The following NFAT5 variants were observed in gnomAD, a reference collection of about 807,000 sequenced individuals.
NFAT5 encodes nuclear factor of activated T cells 5.
Under a neutral mutation model 166.5 loss-of-function variants are expected in NFAT5, and 31 were observed. The observed-to-expected ratio is 0.19, with a 90% CI of 0.14 to 0.25. The LOEUF (loss-of-function observed/expected upper bound fraction) is 0.25. Ranked by LOEUF, NFAT5 falls within the 10% of genes least tolerant of loss-of-function variation. NFAT5 has a pLI of 1.00. For missense variants in NFAT5, 1,449 were observed against 1,821.8 expected (o/e 0.80, Z 3.72); for synonymous variants, 612 against 639.7 (o/e 0.96, Z 0.65).
intron 2 of NFAT5, among the ~76,000 whole-genome samples, chr16:69,603,227 A>G (rs183579237): frequency 1.7e-4 from 26 of 152,280 alleles, no homozygotes; most frequent in Admixed American, 1.4e-3. Flanking sequence ...TTTTTATGAT[A>G]TATCACCTTT....
At chr16:69,637,059 A>G (rs1056157553) in intron 3 of NFAT5, among the ~76,000 whole-genome samples, 4 of 152,210 alleles carry the variant, frequency 2.6e-5, no homozygotes, top group African/African-American at 9.7e-5. Flanking sequence ...CTGCTTAGAA[A>G]TATCTTCCAC....
At chr16:69,627,494 A>C (rs2034525107) in intron 3 of NFAT5, among the ~76,000 whole-genome samples, 1 of 151,912 alleles carries the variant, frequency 6.6e-6, no homozygotes, top group Non-Finnish European at 1.5e-5. Context: ...AAATTATTTT[A>C]GTTTCAAAAT....
intron 3 of NFAT5, among the ~76,000 whole-genome samples, chr16:69,640,535 T>C (rs2035158967): frequency 6.6e-6 from 1 of 152,248 alleles, no homozygotes; most frequent in Non-Finnish European, 1.5e-5. Flanking sequence ...AGCTTTTTTC[T>C]CTGAATATCT....
At chr16:69,620,562 C>T (rs551242864) in intron 2 of NFAT5, among the ~76,000 whole-genome samples, 3 of 152,096 alleles carry the variant, frequency 2.0e-5, no homozygotes, top group South Asian at 2.1e-4. Flanking sequence ...AGCAAGACCG[C>T]GTCTCTACAA....
chr16:69,644,737 A>G, intron 3 of NFAT5: 1 of 406,260 alleles, frequency 2.5e-6, no homozygotes, highest in Non-Finnish European at 4.9e-6. Flanking sequence ...ATAATACCAT[A>G]TAACTTGCTT....
At chr16:69,675,743 G>A (rs2036807339) in intron 9 of NFAT5, among the ~76,000 whole-genome samples, 2 of 152,018 alleles carry the variant, frequency 1.3e-5, no homozygotes, top group African/African-American at 2.4e-5. Flanking sequence ...GGGTTCAAGC[G>A]ATTCTTCTGC....
Position 69,692,137 on chromosome 16 carries a change from T to C in NFAT5, c.2312T>C (p.Leu771Ser). Reference protein sequence around the residue: ...QSPLQEQAQTLQQQISSNIFP... With the variant: ...QSPLQEQAQTSQQQISSNIFP... Reference sequence around the variant, plus strand: ...CCACTACAAGAACAAGCACAGACTTTACAGCAGCAGATTTCATCAAATATT... The same window carrying C: ...CCACTACAAGAACAAGCACAGACTTCACAGCAGCAGATTTCATCAAATATT... The change falls in exon 13 of 15, where the codon TTA becomes TCA. Residue 771 changes from leucine to serine, a missense_variant. By Grantham distance (145) the Leu-to-Ser change is moderately radical. Around this residue, in one of 7 missense-constraint regions of NFAT5, gnomAD observed 891 missense variants for 993.0 expected, o/e 0.90. Coordinates refer to ENST00000349945, the MANE Select transcript of NFAT5 (RefSeq NM_138713.4). The C allele has an allele frequency of 1.2e-6, 2 of 1,614,148 alleles. No homozygotes were observed. The highest frequency in any genetic ancestry group is 8.5e-7 in the Non-Finnish European group (1 of 1,180,032).
Position 69,697,991 on chromosome 16 carries a change from G to A in NFAT5, c.*1640G>A, listed in dbSNP as rs2037817013. 7.2e-6 allele frequency: 1 copy of A among 139,716 alleles called. No homozygotes were observed. The highest frequency in any genetic ancestry group is 2.7e-5 in the African/African-American group (1 of 37,462). 8.7% of individuals were successfully genotyped at this position (139,716 alleles called of 1,614,324 possible). On this transcript the variant is annotated 3_prime_UTR_variant, in exon 15 of 15. Coordinates refer to ENST00000349945, the MANE Select transcript of NFAT5 (RefSeq NM_138713.4). ...ACATTTAGTTGAACTGTGCGGAATT[G>A]TGGTGTTGGTTTTGTTTACACAGCC...
In NFAT5 at chr16:69,650,717, C is replaced by T. The variant is rs992421084; in HGVS notation, c.813-2519C>T. On this transcript the variant is annotated intron_variant, in intron 4 of 14. Transcript: ENST00000349945. ...TTATAAAATTGATACATATGAATTA[C>T]AAATATTTGAAAAATACAAGAAAAC... is the stretch of plus-strand genomic sequence containing the variant. 5.3e-5 allele frequency among the ~76,000 whole-genome samples: 8 copies of T among 152,168 alleles called. No individual in the cohort carries two copies. The South Asian group carries it at 1.4e-3, about 28-fold the overall frequency.
intron 3 of NFAT5, among the ~76,000 whole-genome samples, chr16:69,635,165 C>A (rs1231854510): frequency 6.6e-6 from 1 of 151,644 alleles, no homozygotes; most frequent in Non-Finnish European, 1.5e-5. Context: ...CACCTGTCAC[C>A]ATGCCTGGCT....
chr16:69,697,294 C>CTT lies in NFAT5; in HGVS notation c.*945_*946dup, dbSNP rs939767809. The CTT allele has an allele frequency of 1.3e-5, 2 of 152,126 alleles. No homozygotes were observed. Among genetic ancestry groups the CTT allele is most frequent in the Non-Finnish European group, 2.9e-5 (2 of 68,020 alleles). 9.4% of individuals were successfully genotyped at this position (152,126 alleles called of 1,614,324 possible). A position where few individuals can be genotyped will look rare whatever the true frequency, so the allele number is the denominator to read the frequency against. ...CATGACCCTGTAGCATCTTTGGCCA[C>CTT]TTTAATCTAGGGTGACCTAGCAATC... On this transcript the variant is annotated 3_prime_UTR_variant, in exon 15 of 15. Coordinates refer to ENST00000349945, the MANE Select transcript of NFAT5 (RefSeq NM_138713.4).
chr16:69,634,263 G>T (rs564307950), intron 3 of NFAT5, among the ~76,000 whole-genome samples: 14 of 127,478 alleles, frequency 1.1e-4, no homozygotes, highest in Admixed American at 2.7e-4. Flanking sequence ...TGGCGATAGT[G>T]AGATTCCGAC....
In NFAT5 at chr16:69,693,827, C is replaced by T. The variant is rs771779289; in HGVS notation, c.4002C>T (p.Ala1334=). 1 of 1,614,022 alleles carries T rather than the reference C, an allele frequency of 6.2e-7. No individual in the cohort carries two copies. The highest frequency in any genetic ancestry group is 1.3e-5 in the African/African-American group (1 of 74,900). Residue 1334 remains alanine (A), a synonymous_variant, in exon 13 of 15, where the codon GCC becomes GCT. Transcript: ENST00000349945. ...TTTTTCACCAACAAAGTAACATGGC[C>T]CCAATGAATCAAGAGCAACAGCCCA... ...QSIFHQQSNM[A]PMNQEQQPMQ...
At position 69,577,726 on chromosome 16, in the gene NFAT5, C is replaced by T. The variant is rs186325462; in HGVS notation, c.127+9178C>T. On this transcript the variant is annotated intron_variant, in intron 2 of 14. Transcript: ENST00000349945. ...TTGACCATGTGATTACACAAACATA[C>T]ATACTTTTTAAAAAAACTCATAGAA... 3.3e-4 allele frequency among the ~76,000 whole-genome samples: 50 copies of T among 152,228 alleles called. No individual in the cohort carries two copies. The Middle Eastern group carries it at 0.014, about 41-fold the overall frequency.
In NFAT5 at chr16:69,693,743, C is replaced by T; in HGVS notation, c.3918C>T (p.Asn1306=). Residue 1306 remains asparagine (N), a synonymous_variant, in exon 13 of 15, where the codon AAC becomes AAT. Transcript: ENST00000349945. ...CGTCTCCAAAGCAACCACCACCAAA[C>T]ATGATATTCAACCCAAATCAAAATC... ...TMASPKQPPP[N]MIFNPNQNPM... 1 of 1,614,238 alleles carries T rather than the reference C, an allele frequency of 6.2e-7. No homozygotes were observed. The highest frequency in any genetic ancestry group is 8.5e-7 in the Non-Finnish European group (1 of 1,180,036).
rs551367810 is a variant in NFAT5, at chr16:69,677,198, A to C, written c.1558-5A>C. Reference sequence around the variant, plus strand: ...TTCCAACTCTTGTGCTTTTCTTTACATTAGAATCATCTTATTGTGAAGGTT... The same window carrying C: ...TTCCAACTCTTGTGCTTTTCTTTACCTTAGAATCATCTTATTGTGAAGGTT... On this transcript the variant is annotated splice_polypyrimidine_tract_variant and splice_region_variant and intron_variant, in intron 9 of 14. Coordinates refer to ENST00000349945, the MANE Select transcript of NFAT5 (RefSeq NM_138713.4). 5.6e-6 allele frequency: 9 copies of C among 1,598,936 alleles called. 1 individual carries two copies. In the South Asian group the frequency reaches 6.9e-5, roughly 12 times the overall value.
At chr16:69,627,272 C>G (rs949284649) in intron 3 of NFAT5, among the ~76,000 whole-genome samples, 4 of 138,636 alleles carry the variant, frequency 2.9e-5, no homozygotes, top group African/African-American at 1.1e-4. Flanking sequence ...GTTTACCCAC[C>G]TAATATTGGA....
At chr16:69,604,267 G>T (rs1301885454) in intron 2 of NFAT5, among the ~76,000 whole-genome samples, 1 of 152,178 alleles carries the variant, frequency 6.6e-6, no homozygotes, top group East Asian at 1.9e-4. Context: ...GAGATTTGCT[G>T]AAATAATGTA....
chr16:69,607,514 AACCTC>A (rs1234920395), intron 2 of NFAT5, among the ~76,000 whole-genome samples: 4 of 152,232 alleles, frequency 2.6e-5, no homozygotes, highest in Admixed American at 6.5e-5. Context: ...TGATATTGAC[AACCTC>A]TAATACTAGA....
Sources: gnomAD v4.1 joint callset for allele counts (sites outside exome capture counted in the v4.1 genomes callset) on GRCh38, gnomAD v4.1.1 for gene constraint, gnomAD v4.1.1 regional missense constraint, MANE v1.5 for transcripts, NCBI Gene and HGNC (gene_info 2026-07-23, HGNC 2026-07-21) for gene names.